Variants in ATG4D observed in about 807,000 individuals in gnomAD.
The protein encoded by ATG4D is cysteine protease ATG4D.
In ATG4D, 51 loss-of-function variants were observed where a neutral mutation model predicts 55.2. The ratio of observed to expected loss-of-function variants is 0.92; its 90% CI spans 0.74 to 1.17. The LOEUF (loss-of-function observed/expected upper bound fraction) is 1.17, where lower values mean the gene tolerates loss of function less well. ATG4D is among the 50% of genes most tolerant of loss of function. The probability of loss-of-function intolerance (pLI) is 0.00; values close to 1 mark genes in which losing one functional copy is unlikely to be tolerated. For synonymous variants in ATG4D, 268 were observed against 266.2 expected (o/e 1.01, Z -0.07); for missense variants, 635 against 649.6 (o/e 0.98, Z 0.25).
intron 2 of ATG4D, 24 bp from the exon 3 acceptor site, chr19:10,544,933 C>T: frequency 6.3e-7 from 1 of 1,581,328 alleles, no homozygotes; most frequent in Non-Finnish European, 8.6e-7. Flanking sequence ...TCCCTGGTGG[C>T]AGCTGACAGA....
At chr19:10,551,540 A>G (rs1916227519) in intron 6 of ATG4D, among the ~76,000 whole-genome samples, 1 of 151,664 alleles carries the variant, frequency 6.6e-6, no homozygotes, top group Admixed American at 6.6e-5. Flanking sequence ...TTTACTAAAA[A>G]TACAAAAAAT....
intron 6 of ATG4D, among the ~76,000 whole-genome samples, chr19:10,551,640 C>T (rs1389369392): frequency 7.3e-6 from 1 of 137,686 alleles, no homozygotes; most frequent in African/African-American, 2.7e-5. Flanking sequence ...GCGGAGGTTG[C>T]GGTGAGCCAA....
At chr19:10,552,365 TG>T in intron 9 of ATG4D, 41 bp downstream of exon 9, 1 of 1,576,228 alleles carries the variant, frequency 6.3e-7, no homozygotes. Context: ...GGGGGGCGGT[TG>T]GGCAGGGCTG....
chr19:10,551,847 C>A (rs745483543), intron 6 of ATG4D, 50 bp from the exon 7 acceptor site: 3 of 1,582,090 alleles, frequency 1.9e-6, no homozygotes, highest in African/African-American at 1.3e-5. Context: ...GTTTGCCAAG[C>A]GTTTGTTGAG....
At chr19:10,544,688 A>G (rs762581751) in intron 1 of ATG4D, 95 bp from the exon 2 acceptor site, 1 of 1,575,984 alleles carries the variant, frequency 6.3e-7, no homozygotes. Context: ...GATAGGAACT[A>G]GGATCGTGCC....
At chr19:10,544,415 C>T (rs1041969884) in intron 1 of ATG4D, 90 bp downstream of exon 1, 4 of 1,180,868 alleles carry the variant, frequency 3.4e-6, no homozygotes, top group Non-Finnish European at 4.4e-6. Context: ...CCCTTGTTCC[C>T]GTCCTGAGTC....
At position 10,545,143 on chromosome 19, in the gene ATG4D, G is replaced by A. The variant is rs754711271; in HGVS notation, c.493+13G>A. On this transcript the variant is annotated intron_variant, in intron 3 of 9. Coordinates refer to ENST00000309469, the MANE Select transcript of ATG4D (RefSeq NM_032885.6). The stretch of plus-strand genomic sequence containing the variant: ...TTCCTGCCCAGAGGTGAGCCATAGG[G>A]GGGAAGGGGTGCACTAGGAGTACAG... 6.2e-7 allele frequency: 1 copy of A among 1,606,112 alleles called. No individual in the cohort carries two copies. The highest frequency in any genetic ancestry group is 8.5e-7 in the Non-Finnish European group (1 of 1,179,800).
At chr19:10,549,458 C>T (rs989177073) in intron 6 of ATG4D, among the ~76,000 whole-genome samples, 9 of 151,384 alleles carry the variant, frequency 5.9e-5, no homozygotes. Context: ...TGCTCTTTTG[C>T]CCAGGCTGGA....
Position 10,544,175 on chromosome 19 carries a change from C to G in ATG4D, c.85C>G (p.Arg29Gly), listed in dbSNP as rs1368019374. ...CCGCCGGCCCGAGGCCCGCAGGCCG[C>G]GGGGTCCCAGAGGCCCAGACCCCAA... ...ARRRPEARRPRGPRGPDPNGL... is the reference protein window; with the variant it reads ...ARRRPEARRPGGPRGPDPNGL... The change falls in exon 1 of 10, where the codon CGG (arginine) becomes GGG (glycine). Residue 29 changes from arginine to glycine, a missense_variant. Transcript: ENST00000309469. 14 of 1,245,746 alleles carry G rather than the reference C, an allele frequency of 1.1e-5. No individual in the cohort carries two copies. The South Asian group carries it at 5.3e-4, about 47-fold the overall frequency. 77.2% of individuals were successfully genotyped at this position (1,245,746 alleles called of 1,614,324 possible).
rs1484192771 is a variant in ATG4D at position 10,545,094 on chromosome 19, C to T, written c.457C>T (p.Leu153=). The T allele has an allele frequency of 1.9e-6, 3 of 1,612,308 alleles. No individual in the cohort carries two copies. In the South Asian group the frequency reaches 3.3e-5, roughly 18 times the overall value. ...CATGTTACGCAGCGGCCAGATGATG[C>T]TGGCACAGGGCCTTCTGCTGCATTT... ...GCMLRSGQMM[L]AQGLLLHFLP... is the part of the protein sequence containing the mutation. Residue 153 remains leucine, a synonymous_variant, in exon 3 of 10, where the codon CTG becomes TTG. Transcript: ENST00000309469.
intron 3 of ATG4D, among the ~76,000 whole-genome samples, chr19:10,546,217 A>G (rs1568415184): frequency 6.6e-6 from 1 of 151,300 alleles, no homozygotes; most frequent in Non-Finnish European, 1.5e-5. Flanking sequence ...CCAACTACTC[A>G]GGAGGCTGAG....
rs192566738 is a variant in ATG4D, at chr19:10,551,789, G to T, written c.967-108G>T. 3,968 of 976,370 alleles carry T rather than the reference G, an allele frequency of 4.1e-3. 13 individuals carry two copies. The highest frequency in any genetic ancestry group is 4.6e-3 in the Non-Finnish European group (2,852 of 622,754). 60.5% of individuals were successfully genotyped at this position (976,370 alleles called of 1,614,324 possible). A position where few individuals can be genotyped will look rare whatever the true frequency, so the allele number is the denominator to read the frequency against. On this transcript the variant is annotated intron_variant, in intron 6 of 9. Transcript: ENST00000309469. ...AGCTCCTGAGGGCAAGGGTTTTGTG[G>T]TCTTGATCACTGCTGCCCTCCAGAG... is the stretch of plus-strand genomic sequence containing the variant.
At chr19:10,545,156 A>C in intron 3 of ATG4D, 26 bp downstream of exon 3, 1 of 1,602,886 alleles carries the variant, frequency 6.2e-7, no homozygotes, top group Non-Finnish European at 8.5e-7. Flanking sequence ...GAAGGGGTGC[A>C]CTAGGAGTAC....
Position 10,544,783 on chromosome 19 carries a change from G to T in ATG4D, c.236G>T (p.Gly79Val), listed in dbSNP as rs774026335. Residue 79 changes from glycine to valine, a missense_variant and splice_region_variant, in exon 2 of 10, where the codon GGT becomes GTT. Physicochemically the swap from Gly to Val is moderately radical, Grantham distance 109. Transcript: ENST00000309469. Reference protein sequence around the residue: ...FLTAWNNVKYGWVVKSRTSFS... With the variant: ...FLTAWNNVKYVWVVKSRTSFS... Reference sequence around the variant, plus strand: ...GGGCGCTGCCCCTACGTCTCCCCAGGTTGGGTGGTTAAAAGCCGGACCAGC... The same window carrying T: ...GGGCGCTGCCCCTACGTCTCCCCAGTTTGGGTGGTTAAAAGCCGGACCAGC... The T allele has an allele frequency of 3.7e-6, 6 of 1,613,954 alleles. No homozygotes were observed. The highest frequency in any genetic ancestry group is 5.1e-6 in the Non-Finnish European group (6 of 1,180,018).
rs34320389 is a variant in ATG4D at position 10,551,698 on chromosome 19, A to AG, written c.967-199_967-198insG. Reference sequence around the variant, plus strand: ...GGGTGACAGAGTGAGACTCCGTCTCAAAAAAAAAAAAAAAAAAAAAATTCA... The same window carrying AG: ...GGGTGACAGAGTGAGACTCCGTCTCAGAAAAAAAAAAAAAAAAAAAAATTCA... On this transcript the variant is annotated intron_variant, in intron 6 of 9. Coordinates refer to ENST00000309469, the MANE Select transcript of ATG4D (RefSeq NM_032885.6). Among the ~76,000 whole-genome samples, 100 of 27,430 alleles carry AG rather than the reference A, an allele frequency of 3.6e-3. 1 individual carries two copies. The South Asian group carries it at 0.13, about 35-fold the overall frequency. The allele number at this position is 27,430 out of a possible 152,430, so 18.0% of individuals were successfully genotyped here.
In ATG4D at chr19:10,552,113, C is replaced by T. The variant is rs1916276029; in HGVS notation, c.1114C>T (p.Pro372Ser). Residue 372 changes from proline to serine, a missense_variant, in exon 8 of 10, where the codon CCC (proline) becomes TCC (serine). Transcript: ENST00000309469. The stretch of plus-strand genomic sequence containing the variant: ...TGTGGATGTCAGCCAGGCCGACTTC[C>T]CCCTGGAGGTGAGTGGGAGCCCCAG... ...PTVDVSQADF[P>S]LESFHCTSPR... 6.2e-7 allele frequency: 1 copy of T among 1,611,682 alleles called. No individual in the cohort carries two copies. Among genetic ancestry groups the T allele is most frequent in the African/African-American group, 1.3e-5 (1 of 74,890 alleles).
In ATG4D at chr19:10,544,107, C is replaced by T; in HGVS notation, c.17C>T (p.Pro6Leu). 1 of 1,241,094 alleles carries T rather than the reference C, an allele frequency of 8.1e-7. No individual in the cohort carries two copies. Among genetic ancestry groups the T allele is most frequent in the African/African-American group, 1.6e-5 (1 of 64,272 alleles). 76.9% of individuals were successfully genotyped at this position (1,241,094 alleles called of 1,614,324 possible). ...GGCGCGTCCATGAACTCAGTGTCGC[C>T]GGCCGCCGCGCAGTACCGGAGCAGC... MNSVS[P>L]AAAQYRSSSP... The change falls in exon 1 of 10, where the codon CCG becomes CTG. Residue 6 changes from proline to leucine, a missense_variant. Coordinates refer to ENST00000309469, the MANE Select transcript of ATG4D (RefSeq NM_032885.6).
In ATG4D at chr19:10,543,945, C is replaced by T. The variant is rs1040390396; in HGVS notation, c.-146C>T. ...ATGGCGATGGCTGCGGTAGCAGCGGCGGCGGCTGTTGCCTGGCCCGGTACC... is the reference window on the plus strand; with the variant it reads ...ATGGCGATGGCTGCGGTAGCAGCGGTGGCGGCTGTTGCCTGGCCCGGTACC... On this transcript the variant is annotated 5_prime_UTR_variant, in exon 1 of 10. Coordinates refer to ENST00000309469, the MANE Select transcript of ATG4D (RefSeq NM_032885.6). 8 of 453,138 alleles carry T rather than the reference C, an allele frequency of 1.8e-5. No homozygotes were observed. Among genetic ancestry groups the T allele is most frequent in the Middle Eastern group, 6.2e-4 (1 of 1,618 alleles). The allele number at this position is 453,138 out of a possible 1,614,324, so 28.1% of individuals were successfully genotyped here.
chr19:10,551,460 C>A (rs1054476061), intron 6 of ATG4D, among the ~76,000 whole-genome samples: 1 of 151,298 alleles, frequency 6.6e-6, no homozygotes, highest in African/African-American at 2.4e-5. Context: ...TTTAGGAGGC[C>A]GAGACGGGCA....
Sources: allele counts gnomAD v4.1 joint callset (sites outside exome capture counted in the v4.1 genomes callset), GRCh38; gene constraint gnomAD v4.1.1; transcripts MANE v1.5; gene names NCBI Gene and HGNC (gene_info 2026-07-23, HGNC 2026-07-21).